The following EZH2 variants were observed in gnomAD, a reference collection of about 807,000 sequenced individuals.
EZH2 encodes histone-lysine N-methyltransferase EZH2.
In EZH2, 18 loss-of-function variants were observed where a neutral mutation model predicts 98.4. The observed-to-expected ratio is 0.18, with a 90% CI of 0.13 to 0.27. The LOEUF (loss-of-function observed/expected upper bound fraction) is 0.27. Ranked by LOEUF, EZH2 falls within the 10% of genes least tolerant of loss-of-function variation. EZH2 has a pLI of 1.00. For missense variants in EZH2, 470 were observed against 935.1 expected (o/e 0.50, Z 6.49); for synonymous variants, 338 against 312.3 (o/e 1.08, Z -0.87).
At chr7:148,836,910 T>C (rs1413310167) in intron 3 of EZH2, 1 of 512,372 alleles carries the variant, frequency 2.0e-6, no homozygotes, top group Non-Finnish European at 3.8e-6. Flanking sequence ...GTTGTAGGAG[T>C]ACACAACCAA....
chr7:148,810,285 T>C, intron 17 of EZH2, 48 bp downstream of exon 17: 1 of 1,404,988 alleles, frequency 7.1e-7, no homozygotes, highest in Non-Finnish European at 1.0e-6. Context: ...GGCAGAAGGC[T>C]GCCACATGCA....
chr7:148,836,125 T>C (rs1410921895), intron 3 of EZH2, among the ~76,000 whole-genome samples: 2 of 152,170 alleles, frequency 1.3e-5, no homozygotes, highest in African/African-American at 4.8e-5. Flanking sequence ...TTCACCTCTG[T>C]CTTGAAACGA....
intron 1 of EZH2, among the ~76,000 whole-genome samples, chr7:148,876,830 T>C (rs1032171077): frequency 2.0e-5 from 3 of 152,158 alleles, no homozygotes; most frequent in Non-Finnish European, 2.9e-5. Flanking sequence ...TGGGGTGGTA[T>C]TGTTTTACAA....
At chr7:148,817,832 G>C (rs755049494) in intron 10 of EZH2, 45 bp downstream of exon 10, 1 of 1,613,280 alleles carries the variant, frequency 6.2e-7, no homozygotes, top group Non-Finnish European at 8.5e-7. Context: ...CTCACAACAC[G>C]AACTTTCACA....
At chr7:148,857,967 T>G (rs1367642596) in intron 1 of EZH2, among the ~76,000 whole-genome samples, 2 of 150,752 alleles carry the variant, frequency 1.3e-5, no homozygotes, top group East Asian at 1.9e-4. Context: ...AATAGATGAT[T>G]AGAATTATTT....
Position 148,817,211 on chromosome 7 carries a change from G to A in EZH2, c.1410+11C>T, listed in dbSNP as rs749445466. 4.0e-5 allele frequency: 64 copies of A among 1,598,808 alleles called. No homozygotes were observed. The highest frequency in any genetic ancestry group is 4.6e-5 in the Non-Finnish European group (54 of 1,172,464). On this transcript the variant is annotated intron_variant, in intron 11 of 19. Coordinates refer to ENST00000320356, the MANE Select transcript of EZH2 (RefSeq NM_004456.5). ...AAGCTCTTTTAACAACATTTTTATC[G>A]GATATCTTACCTGTCTACATGTTTT... is the stretch of plus-strand genomic sequence containing the variant.
chr7:148,830,175 G>A (rs970737430), intron 4 of EZH2, among the ~76,000 whole-genome samples: 7 of 152,132 alleles, frequency 4.6e-5, no homozygotes, highest in Non-Finnish European at 8.8e-5. Flanking sequence ...AGAAGACATC[G>A]TCTGTTTTTC....
At chr7:148,815,969 T>A (rs1176297074) in intron 12 of EZH2, among the ~76,000 whole-genome samples, 1 of 152,126 alleles carries the variant, frequency 6.6e-6, no homozygotes, top group Non-Finnish European at 1.5e-5. Flanking sequence ...AAAATAAAAA[T>A]AAAAACTTGA....
intron 8 of EZH2, among the ~76,000 whole-genome samples, chr7:148,820,644 C>T (rs1805787580): frequency 6.6e-6 from 1 of 151,818 alleles, no homozygotes; most frequent in East Asian, 1.9e-4. Context: ...AGGCTCCAGA[C>T]AGCCTAACAC....
Position 148,866,695 on chromosome 7 carries a change from T to C in EZH2, c.-8+17469A>G, listed in dbSNP as rs552704054. Among the ~76,000 whole-genome samples, 285 of 143,974 alleles carry C rather than the reference T, an allele frequency of 2.0e-3. 2 individuals are homozygous for C. The highest frequency in any genetic ancestry group is 2.8e-3 in the Non-Finnish European group (191 of 67,068). 94.5% of individuals were successfully genotyped at this position (143,974 alleles called of 152,430 possible). A position where few individuals can be genotyped will look rare whatever the true frequency, so the allele number is the denominator to read the frequency against. On this transcript the variant is annotated intron_variant, in intron 1 of 19. Transcript: ENST00000320356. ...ATATGTACGTATATGCATATATATA[T>C]ACATATATGCATATATATATATATT... is the stretch of plus-strand genomic sequence containing the variant.
At chr7:148,856,372 A>G (rs1816836900) in intron 1 of EZH2, among the ~76,000 whole-genome samples, 1 of 152,240 alleles carries the variant, frequency 6.6e-6, no homozygotes, top group Admixed American at 6.5e-5. Flanking sequence ...CAGATATATC[A>G]ATATGAACTC....
intron 1 of EZH2, among the ~76,000 whole-genome samples, chr7:148,858,669 G>T (rs895808244): frequency 6.6e-6 from 1 of 152,034 alleles, no homozygotes; most frequent in Non-Finnish European, 1.5e-5. Flanking sequence ...GGGACTACAG[G>T]TGTACTCCAC....
intron 1 of EZH2, among the ~76,000 whole-genome samples, chr7:148,869,166 A>G: frequency 6.9e-6 from 1 of 144,048 alleles, no homozygotes; most frequent in East Asian, 1.9e-4. Context: ...TTGATAAAGA[A>G]TTTGGGAAAG....
At chr7:148,863,195 G>A (rs943123044) in intron 1 of EZH2, among the ~76,000 whole-genome samples, 10 of 151,836 alleles carry the variant, frequency 6.6e-5, no homozygotes, top group Non-Finnish European at 1.0e-4. Context: ...ATACGAATCC[G>A]AAGTCATAAT....
chr7:148,861,192 G>A (rs982442153), intron 1 of EZH2, among the ~76,000 whole-genome samples: 2 of 150,166 alleles, frequency 1.3e-5, no homozygotes, highest in African/African-American at 4.9e-5. Flanking sequence ...AATGTAAAAT[G>A]TTATATAAAT....
rs528197050 is a variant in EZH2 at position 148,809,658 on chromosome 7, A to G, written c.2030-268T>C. 4.5e-3 allele frequency among the ~76,000 whole-genome samples: 381 copies of G among 85,266 alleles called. 1 individual carries two copies. The highest frequency in any genetic ancestry group is 0.021 in the African/African-American group (372 of 17,622). The allele number at this position is 85,266 out of a possible 152,430, so 55.9% of individuals were successfully genotyped here. On this transcript the variant is annotated intron_variant, in intron 17 of 19. Coordinates refer to ENST00000320356, the MANE Select transcript of EZH2 (RefSeq NM_004456.5). ...ATAAACATACATTACTGAGCAAAAC[A>G]TAGCAAAAAAAAAAAAAAATCTGAC... is the stretch of plus-strand genomic sequence containing the variant.
intron 1 of EZH2, among the ~76,000 whole-genome samples, chr7:148,851,513 C>T (rs1331158549): frequency 6.6e-6 from 1 of 152,144 alleles, no homozygotes; most frequent in Non-Finnish European, 1.5e-5. Context: ...CAAATCAGGC[C>T]TCTGACTCCA....
At chr7:148,844,443 T>C (rs776476887) in intron 3 of EZH2, among the ~76,000 whole-genome samples, 11 of 152,154 alleles carry the variant, frequency 7.2e-5, no homozygotes, top group Non-Finnish European at 1.2e-4. Flanking sequence ...AGATGGATCA[T>C]CTGAAGCAGG....
At chr7:148,811,813 CTG>C (rs1260597757) in intron 15 of EZH2, 93 bp from the exon 16 acceptor site, 6 of 1,068,018 alleles carry the variant, frequency 5.6e-6, no homozygotes, top group Non-Finnish European at 2.8e-6. Flanking sequence ...AAAGCTATCA[CTG>C]TAAATCCTCA....
Sources: allele counts gnomAD v4.1 joint callset (sites outside exome capture counted in the v4.1 genomes callset), GRCh38; gene constraint gnomAD v4.1.1; transcripts MANE v1.5; gene names NCBI Gene and HGNC (gene_info 2026-07-23, HGNC 2026-07-21).